The following SAR1B variants were observed in gnomAD, a reference collection of about 807,000 sequenced individuals.
The protein encoded by SAR1B is small COPII coat GTPase SAR1B.
SAR1B carries 23 observed loss-of-function variants against 26.8 expected under a neutral mutation model. The ratio of observed to expected loss-of-function variants is 0.86; its 90% CI spans 0.62 to 1.22. SAR1B has a LOEUF of 1.22. Among genes scored for constraint, SAR1B ranks in the 50% most tolerant of loss-of-function variants. SAR1B has a pLI of 0.00. For synonymous variants in SAR1B, 65 were observed against 80.8 expected (o/e 0.80, Z 1.05); for missense variants, 196 against 232.8 (o/e 0.84, Z 1.03).
chr5:134,631,185 A>G lies in SAR1B; in HGVS notation c.-19+1543T>C, dbSNP rs1765599569. Among the ~76,000 whole-genome samples the G allele has an allele frequency of 1.3e-5, 2 of 151,970 alleles. 1 individual carries two copies. The highest frequency in any genetic ancestry group is 4.1e-4 in the South Asian group (2 of 4,824). ...GCTTGAATTTCTATTCCAGTACAAT[A>G]ATGCAAGTCAAAGGAAGGTTAAAAT... On this transcript the variant is annotated intron_variant, in intron 1 of 6. Transcript: ENST00000402673.
intron 1 of SAR1B, among the ~76,000 whole-genome samples, chr5:134,626,298 C>CAAAAAAAAAAAA: frequency 1.9e-5 from 1 of 53,114 alleles, no homozygotes; most frequent in African/African-American, 6.1e-5. Context: ...GACTCTGCCT[C>CAAAAAAAAAAAA]AAAAAAAAAA....
At chr5:134,616,437 CAAAAA>C (rs200324694) in intron 3 of SAR1B, among the ~76,000 whole-genome samples, 1 of 68,406 alleles carries the variant, frequency 1.5e-5, no homozygotes. Flanking sequence ...GACTTTGTCT[CAAAAA>C]AAAAAAAAAA....
At chr5:134,625,600 T>C (rs546579107) in intron 1 of SAR1B, among the ~76,000 whole-genome samples, 12 of 152,246 alleles carry the variant, frequency 7.9e-5, no homozygotes, top group Non-Finnish European at 1.3e-4. Context: ...GCCAGAATTG[T>C]GCCAGCAAAG....
At position 134,612,725 on chromosome 5, in the gene SAR1B, C is replaced by T. The variant is rs757812045; in HGVS notation, c.210G>A (p.Thr70=). 14 of 1,458,526 alleles carry T rather than the reference C, an allele frequency of 9.6e-6. No homozygotes were observed. Among genetic ancestry groups the T allele is most frequent in the African/African-American group, 6.4e-5 (4 of 62,726 alleles). The allele number at this position is 1,458,526 out of a possible 1,614,324, so 90.3% of individuals were successfully genotyped here. A position where few individuals can be genotyped will look rare whatever the true frequency, so the allele number is the denominator to read the frequency against. Residue 70 remains threonine, a synonymous_variant, in exon 4 of 7, where the codon ACG becomes ACA. Coordinates refer to ENST00000402673, the MANE Select transcript of SAR1B (RefSeq NM_016103.4). ...TSEELTIAGM[T]FTTFDLGGHV... ...GTCCACCCAGATCAAAAGTTGTAAA[C>T]GTCATGCCAGCAATGGTCAGTTCTT... is the stretch of plus-strand genomic sequence containing the variant.
chr5:134,618,384 T>TA (rs1765349042), intron 3 of SAR1B: 1 of 152,222 alleles, frequency 6.6e-6, no homozygotes, highest in Non-Finnish European at 1.5e-5. Flanking sequence ...GTTTTATAGA[T>TA]AAAATACTTT....
chr5:134,621,179 T>A (rs1373108356), intron 2 of SAR1B, 127 bp from the exon 3 acceptor site: 4 of 1,098,424 alleles, frequency 3.6e-6, no homozygotes, highest in Non-Finnish European at 5.3e-6. Context: ...CTATTTTAAA[T>A]CTATTCATGG....
chr5:134,608,545 A>T, intron 5 of SAR1B, 42 bp from the exon 6 acceptor site: 1 of 1,592,970 alleles, frequency 6.3e-7, no homozygotes, highest in Non-Finnish European at 8.6e-7. Context: ...TTGATATGAA[A>T]CCATCCAAAG....
chr5:134,604,881 C>T lies in SAR1B; in HGVS notation c.*2069G>A, dbSNP rs919430409. 1 of 152,074 alleles carries T rather than the reference C, an allele frequency of 6.6e-6. No individual in the cohort carries two copies. Among genetic ancestry groups the T allele is most frequent in the African/African-American group, 2.4e-5 (1 of 41,416 alleles). The allele number at this position is 152,074 out of a possible 1,614,324, so 9.4% of individuals were successfully genotyped here. A position where few individuals can be genotyped will look rare whatever the true frequency, so the allele number is the denominator to read the frequency against. ...AGGTACAGATAACATGAACAAGAGG[C>T]AGTTATTTTTAATAAGGCTTAGTTC... On this transcript the variant is annotated 3_prime_UTR_variant, in exon 7 of 7. Coordinates refer to ENST00000402673, the MANE Select transcript of SAR1B (RefSeq NM_016103.4).
intron 4 of SAR1B, among the ~76,000 whole-genome samples, chr5:134,611,933 T>G (rs1765221097): frequency 6.6e-6 from 1 of 152,010 alleles, no homozygotes; most frequent in Non-Finnish European, 1.5e-5. Context: ...GAGACTGAGA[T>G]GAGAGGATTG....
rs1344752690 is a variant in SAR1B at position 134,604,396 on chromosome 5, G to C, written c.*2554C>G. 6.6e-6 allele frequency: 1 copy of C among 152,272 alleles called. No homozygotes were observed. The highest frequency in any genetic ancestry group is 2.4e-5 in the African/African-American group (1 of 41,454). 9.4% of individuals were successfully genotyped at this position (152,272 alleles called of 1,614,324 possible). On this transcript the variant is annotated 3_prime_UTR_variant, in exon 7 of 7. Transcript: ENST00000402673. The stretch of plus-strand genomic sequence containing the variant: ...GCACACATTCACACAGGCACATGCA[G>C]AGTTGTCTTTCCTCTGTGCTTCTAC...
chr5:134,609,760 T>A, intron 4 of SAR1B, 86 bp from the exon 5 acceptor site: 1 of 985,868 alleles, frequency 1.0e-6, no homozygotes, highest in Non-Finnish European at 1.6e-6. Flanking sequence ...AGATATCAAG[T>A]GCGGTAATCC....
At chr5:134,621,217 C>G (rs969744499) in intron 2 of SAR1B, among the ~76,000 whole-genome samples, 165 bp from the exon 3 acceptor site, 3 of 152,152 alleles carry the variant, frequency 2.0e-5, no homozygotes, top group Admixed American at 1.3e-4. Flanking sequence ...CACCTGTAGT[C>G]CCAGCACTTT....
chr5:134,615,782 A>C (rs1765302583), intron 3 of SAR1B, among the ~76,000 whole-genome samples: 1 of 152,086 alleles, frequency 6.6e-6, no homozygotes, highest in Admixed American at 6.6e-5. Flanking sequence ...GCACCACTGC[A>C]CTCTAGCCTG....
rs1043199542 is a variant in SAR1B, at chr5:134,602,154, T to C, written c.*4796A>G. ...TTTCTATTTCTGCCCTAAAATCTATTTGGGGCAGGGGACACACCTGAAACA... is the reference window on the plus strand; with the variant it reads ...TTTCTATTTCTGCCCTAAAATCTATCTGGGGCAGGGGACACACCTGAAACA... On this transcript the variant is annotated 3_prime_UTR_variant, in exon 7 of 7. Coordinates refer to ENST00000402673, the MANE Select transcript of SAR1B (RefSeq NM_016103.4). 1.3e-5 allele frequency: 2 copies of C among 152,234 alleles called. No individual in the cohort carries two copies. Among genetic ancestry groups the C allele is most frequent in the African/African-American group, 4.8e-5 (2 of 41,476 alleles). The allele number at this position is 152,234 out of a possible 1,614,324, so 9.4% of individuals were successfully genotyped here.
At chr5:134,628,787 G>A (rs1049120146) in intron 1 of SAR1B, among the ~76,000 whole-genome samples, 3 of 152,048 alleles carry the variant, frequency 2.0e-5, no homozygotes, top group Non-Finnish European at 2.9e-5. Flanking sequence ...CCAAGTAGCA[G>A]GGATTACAGG....
intron 3 of SAR1B, among the ~76,000 whole-genome samples, chr5:134,616,576 A>G (rs997001743): frequency 2.0e-5 from 3 of 152,230 alleles, no homozygotes; most frequent in Non-Finnish European, 4.4e-5. Flanking sequence ...CTATGGTAAT[A>G]ATCCCCAATA....
At chr5:134,615,347 CA>C (rs1169325540) in intron 3 of SAR1B, among the ~76,000 whole-genome samples, 354 of 87,724 alleles carry the variant, frequency 4.0e-3, no homozygotes, top group Middle Eastern at 6.8e-3. Flanking sequence ...GACTCCATCT[CA>C]AAAAAAAAAA....
chr5:134,628,722 T>C (rs560041198), intron 1 of SAR1B, among the ~76,000 whole-genome samples: 1 of 152,082 alleles, frequency 6.6e-6, no homozygotes, highest in African/African-American at 2.4e-5. Context: ...TGGCACAATC[T>C]TGGCTCACTG....
At chr5:134,617,918 A>T (rs1284072446) in intron 3 of SAR1B, among the ~76,000 whole-genome samples, 7 of 152,144 alleles carry the variant, frequency 4.6e-5, no homozygotes, top group Non-Finnish European at 1.0e-4. Flanking sequence ...GTTTTTGCAG[A>T]CAATTTTATC....
Sources: allele counts gnomAD v4.1 joint callset (sites outside exome capture counted in the v4.1 genomes callset), GRCh38; gene constraint gnomAD v4.1.1; transcripts MANE v1.5; gene names NCBI Gene and HGNC (gene_info 2026-07-23, HGNC 2026-07-21).